The following SH3RF3 variants were observed in gnomAD, a reference collection of about 807,000 sequenced individuals.
SH3RF3 encodes E3 ubiquitin-protein ligase SH3RF3.
SH3RF3 carries 29 observed loss-of-function variants against 66.3 expected under a neutral mutation model. The observed-to-expected ratio is 0.44, with a 90% CI of 0.33 to 0.60. SH3RF3 has a LOEUF of 0.60. SH3RF3 is among the 20% of genes least tolerant of loss of function. SH3RF3 has a pLI of 0.04. For missense variants in SH3RF3, 1,194 were observed against 1,190.9 expected (o/e 1.00, Z -0.04); for synonymous variants, 583 against 532.0 (o/e 1.10, Z -1.32).
At chr2:109,220,289 G>T (rs529928483) in intron 1 of SH3RF3, among the ~76,000 whole-genome samples, 1 of 152,288 alleles carries the variant, frequency 6.6e-6, no homozygotes, top group African/African-American at 2.4e-5. Flanking sequence ...ATGGGTTAAA[G>T]ATCTCAACAT....
chr2:109,185,182 A>G (rs983144237), intron 1 of SH3RF3, among the ~76,000 whole-genome samples: 2 of 152,224 alleles, frequency 1.3e-5, no homozygotes, highest in Admixed American at 1.3e-4. Context: ...TTTCTCTCCC[A>G]TTGGGATTTA....
chr2:109,287,729 G>A (rs1268857646), intron 1 of SH3RF3, among the ~76,000 whole-genome samples: 1 of 152,200 alleles, frequency 6.6e-6, no homozygotes, highest in African/African-American at 2.4e-5. Context: ...TCTGCACAGA[G>A]CTCTTCTCTG....
At chr2:109,420,647 G>C (rs966613597) in intron 5 of SH3RF3, among the ~76,000 whole-genome samples, 2 of 152,044 alleles carry the variant, frequency 1.3e-5, no homozygotes, top group African/African-American at 2.4e-5. Context: ...GGGTTTCACC[G>C]TGTTAGCCAG....
At chr2:109,340,880 A>C (rs531412034) in intron 1 of SH3RF3, among the ~76,000 whole-genome samples, 105 of 152,244 alleles carry the variant, frequency 6.9e-4, no homozygotes, top group Non-Finnish European at 1.4e-3. Flanking sequence ...AGGCCACAAC[A>C]AAGTCTGGGA....
At chr2:109,265,329 G>A (rs184335176) in intron 1 of SH3RF3, among the ~76,000 whole-genome samples, 1 of 152,256 alleles carries the variant, frequency 6.6e-6, no homozygotes, top group Non-Finnish European at 1.5e-5. Context: ...CGGAAAACAA[G>A]CAAAATACTG....
chr2:109,168,571 TC>T (rs1340975471), intron 1 of SH3RF3, among the ~76,000 whole-genome samples: 1 of 152,178 alleles, frequency 6.6e-6, no homozygotes, highest in Admixed American at 6.5e-5. Context: ...CTTCTAATCT[TC>T]GGACTGTAAT....
At chr2:109,209,900 CCT>C (rs1553485103) in intron 1 of SH3RF3, among the ~76,000 whole-genome samples, 252 of 152,240 alleles carry the variant, frequency 1.7e-3, no homozygotes, top group African/African-American at 5.8e-3. Context: ...GTACGTCCCC[CCT>C]GTTTTGTAAC....
intron 4 of SH3RF3, among the ~76,000 whole-genome samples, chr2:109,406,615 C>CA (rs1355393847): frequency 1.3e-5 from 2 of 152,272 alleles, no homozygotes; most frequent in South Asian, 2.1e-4. Context: ...CAGGGTCACA[C>CA]ACGCCCATTT....
rs530200259 is a variant in SH3RF3 at position 109,433,469 on chromosome 2, A to G, written c.1574+798A>G. Among the ~76,000 whole-genome samples the G allele has an allele frequency of 2.6e-5, 4 of 152,352 alleles. No homozygotes were observed. In the South Asian group the frequency reaches 8.3e-4, roughly 32 times the overall value. ...AGATGAGGATCCACAGCTTGGTGAT[A>G]TCAGTCAGCCTCACTCACAGAAGCC... is the stretch of plus-strand genomic sequence containing the variant. On this transcript the variant is annotated intron_variant, in intron 6 of 9. Transcript: ENST00000309415.
chr2:109,147,503 A>G (rs1187730862), intron 1 of SH3RF3, among the ~76,000 whole-genome samples: 3 of 152,232 alleles, frequency 2.0e-5, no homozygotes, highest in Admixed American at 6.5e-5. Context: ...TCTGATAAGA[A>G]GCCCACACTT....
intron 1 of SH3RF3, among the ~76,000 whole-genome samples, chr2:109,252,828 A>T (rs1016956786): frequency 6.6e-6 from 1 of 152,182 alleles, no homozygotes; most frequent in East Asian, 1.9e-4. Flanking sequence ...ACTGTCTTGA[A>T]AGTGAAAAAC....
rs188796015 is a variant in SH3RF3 at position 109,388,232 on chromosome 2, C to T, written c.946-10358C>T. On this transcript the variant is annotated intron_variant, in intron 3 of 9. Coordinates refer to ENST00000309415, the MANE Select transcript of SH3RF3 (RefSeq NM_001099289.3). Reference sequence around the variant, plus strand: ...TCTGTAACCATAGTAACTGAGTTGTCTTCCCCTCTCAGCCAAGCCTTTCTC... The same window carrying T: ...TCTGTAACCATAGTAACTGAGTTGTTTTCCCCTCTCAGCCAAGCCTTTCTC... Among the ~76,000 whole-genome samples, 190 of 152,346 alleles carry T rather than the reference C, an allele frequency of 1.2e-3. 1 individual carries two copies. The highest frequency in any genetic ancestry group is 2.1e-3 in the Non-Finnish European group (144 of 68,036).
intron 1 of SH3RF3, among the ~76,000 whole-genome samples, chr2:109,154,287 A>G (rs1677287848): frequency 6.6e-6 from 1 of 152,114 alleles, no homozygotes; most frequent in Non-Finnish European, 1.5e-5. Flanking sequence ...TGGAGGGACC[A>G]AGGAAGGGAG....
chr2:109,331,926 C>T (rs1439743074), intron 1 of SH3RF3, among the ~76,000 whole-genome samples: 1 of 152,208 alleles, frequency 6.6e-6, no homozygotes, highest in Non-Finnish European at 1.5e-5. Flanking sequence ...GGTTTGCCTG[C>T]ACCCTCAGCA....
intron 9 of SH3RF3, among the ~76,000 whole-genome samples, chr2:109,500,088 G>T (rs565649827): frequency 6.6e-6 from 1 of 152,300 alleles, no homozygotes; most frequent in East Asian, 1.9e-4. Context: ...CTGTCCTCAG[G>T]TGTGGCTGGA....
intron 1 of SH3RF3, among the ~76,000 whole-genome samples, chr2:109,276,966 C>T (rs181919086): frequency 1.9e-3 from 293 of 152,162 alleles, no homozygotes; most frequent in African/African-American, 6.5e-3. Context: ...CTGGGGGACT[C>T]GGCTTCTCCC....
At chr2:109,369,622 G>A (rs897607123) in intron 2 of SH3RF3, among the ~76,000 whole-genome samples, 4 of 152,174 alleles carry the variant, frequency 2.6e-5, no homozygotes, top group Non-Finnish European at 5.9e-5. Flanking sequence ...GCCTCTGGTG[G>A]CCCCCACGCT....
intron 1 of SH3RF3, among the ~76,000 whole-genome samples, chr2:109,297,410 G>A (rs974704767): frequency 2.5e-4 from 38 of 152,052 alleles, no homozygotes; most frequent in Admixed American, 1.1e-3. Context: ...CCACATAGCC[G>A]CCTGCAAGAG....
intron 9 of SH3RF3, among the ~76,000 whole-genome samples, chr2:109,499,869 GA>G (rs1679345643): frequency 6.6e-6 from 1 of 152,200 alleles, no homozygotes; most frequent in Admixed American, 6.5e-5. Context: ...TTGCAATGGG[GA>G]ATAGGGTCCA....
Sources: allele counts gnomAD v4.1 joint callset (sites outside exome capture counted in the v4.1 genomes callset), GRCh38; gene constraint gnomAD v4.1.1; transcripts MANE v1.5; gene names NCBI Gene and HGNC (gene_info 2026-07-23, HGNC 2026-07-21).